Variants in PHKB observed in about 807,000 individuals in gnomAD.
PHKB encodes phosphorylase kinase regulatory subunit beta.
In PHKB, 122 loss-of-function variants were observed where a neutral mutation model predicts 152.1. That is an observed-to-expected ratio of 0.80 (90% CI 0.69 to 0.93). The LOEUF (loss-of-function observed/expected upper bound fraction) is 0.93. Ranked by LOEUF, PHKB falls within the 40% of genes least tolerant of loss-of-function variation. The pLI is 0.00. For synonymous variants in PHKB, 436 were observed against 464.9 expected (o/e 0.94, Z 0.80); for missense variants, 1,304 against 1,328.4 (o/e 0.98, Z 0.29).
At chr16:47,470,376 A>G (rs923579343) in intron 1 of PHKB, among the ~76,000 whole-genome samples, 3 of 152,214 alleles carry the variant, frequency 2.0e-5, no homozygotes, top group African/African-American at 4.8e-5. Flanking sequence ...CCCTCATGCT[A>G]TTGTTGTATG....
At chr16:47,643,437 A>C (rs528593478) in intron 16 of PHKB, among the ~76,000 whole-genome samples, 14 of 152,236 alleles carry the variant, frequency 9.2e-5, no homozygotes, top group Non-Finnish European at 1.6e-4. Context: ...AAGACTTACA[A>C]CAGTTCCTGG....
intron 13 of PHKB, among the ~76,000 whole-genome samples, chr16:47,604,712 T>A (rs939348991): frequency 1.3e-5 from 2 of 152,308 alleles, no homozygotes; most frequent in East Asian, 1.9e-4. Flanking sequence ...TTTCTTAATA[T>A]TTTCTTTTTA....
chr16:47,681,991 C>T (rs1973867368), intron 26 of PHKB, among the ~76,000 whole-genome samples: 1 of 151,824 alleles, frequency 6.6e-6, no homozygotes, highest in African/African-American at 2.4e-5. Context: ...CTCAGCTTGT[C>T]TGTAAAGTAT....
intron 22 of PHKB, among the ~76,000 whole-genome samples, chr16:47,661,438 TA>T (rs1372987825): frequency 6.6e-6 from 1 of 152,136 alleles, no homozygotes; most frequent in Non-Finnish European, 1.5e-5. Context: ...TTCTGTTCAT[TA>T]CTTATCTTGT....
At chr16:47,531,979 C>CTCT (rs1219779718) in intron 6 of PHKB, among the ~76,000 whole-genome samples, 3 of 152,078 alleles carry the variant, frequency 2.0e-5, no homozygotes. Flanking sequence ...AAAAGAAAAG[C>CTCT]CAAGACTTGA....
intron 16 of PHKB, among the ~76,000 whole-genome samples, chr16:47,642,075 G>A (rs1032226258): frequency 6.6e-6 from 1 of 151,484 alleles, no homozygotes; most frequent in Non-Finnish European, 1.5e-5. Flanking sequence ...CTTACATTTT[G>A]ATTTGGTTTT....
intron 6 of PHKB, among the ~76,000 whole-genome samples, chr16:47,537,549 A>G (rs1033439194): frequency 6.6e-6 from 1 of 152,238 alleles, no homozygotes; most frequent in Non-Finnish European, 1.5e-5. Context: ...GTCACCTAGC[A>G]TAAGTGACTC....
chr16:47,514,338 G>A (rs981136962), intron 5 of PHKB, among the ~76,000 whole-genome samples: 2 of 152,186 alleles, frequency 1.3e-5, no homozygotes, highest in African/African-American at 4.8e-5. Context: ...ATGTGGCTTA[G>A]TCCACATCTG....
intron 7 of PHKB, among the ~76,000 whole-genome samples, chr16:47,576,799 A>G (rs1216201080): frequency 6.6e-6 from 1 of 151,976 alleles, no homozygotes; most frequent in Non-Finnish European, 1.5e-5. Context: ...TGATTGTGTG[A>G]TATATCTTTT....
At chr16:47,497,912 TTAA>T (rs1970260422) in intron 2 of PHKB, among the ~76,000 whole-genome samples, 1 of 152,224 alleles carries the variant, frequency 6.6e-6, no homozygotes, top group Non-Finnish European at 1.5e-5. Context: ...GTTAGTATTA[TTAA>T]TATCAGGGCG....
intron 1 of PHKB, among the ~76,000 whole-genome samples, chr16:47,491,941 G>A (rs1970157454): frequency 6.6e-6 from 1 of 152,074 alleles, no homozygotes; most frequent in Admixed American, 6.6e-5. Context: ...CTTTAATAAG[G>A]TCCTTTTAAA....
chr16:47,467,201 TATG>T (rs1969684048), intron 1 of PHKB, among the ~76,000 whole-genome samples: 1 of 152,222 alleles, frequency 6.6e-6, no homozygotes, highest in South Asian at 2.1e-4. Context: ...ATACAACAAA[TATG>T]ATTTCTTATC....
At position 47,580,394 on chromosome 16, in the gene PHKB, G is replaced by T. The variant is rs758411456; in HGVS notation, c.774+36G>T. ...AGACCCCCAGAATCTTTGATTATTT[G>T]AATTGCACATTTAATTAATTTGGCT... On this transcript the variant is annotated intron_variant, in intron 8 of 30. Transcript: ENST00000323584. The T allele has an allele frequency of 2.1e-6, 3 of 1,400,422 alleles. No individual in the cohort carries two copies. The South Asian group carries it at 3.5e-5, about 16-fold the overall frequency. The allele number at this position is 1,400,422 out of a possible 1,614,324, so 86.7% of individuals were successfully genotyped here. A position where few individuals can be genotyped will look rare whatever the true frequency, so the allele number is the denominator to read the frequency against.
rs780377699 is a variant in PHKB, at chr16:47,641,591, A to C, written c.1515-8A>C. ...TAAAACGTCTCTTTTTATCCCTATG[A>C]TCTTTAGACTTCAAGTTTTTCTGAA... is the stretch of plus-strand genomic sequence containing the variant. On this transcript the variant is annotated splice_polypyrimidine_tract_variant and splice_region_variant and intron_variant, in intron 15 of 30. Transcript: ENST00000323584. The C allele has an allele frequency of 1.4e-6, 2 of 1,445,352 alleles. No individual in the cohort carries two copies. The highest frequency in any genetic ancestry group is 4.5e-5 in the East Asian group (2 of 44,114). 89.5% of individuals were successfully genotyped at this position (1,445,352 alleles called of 1,614,324 possible).
At chr16:47,593,619 T>C (rs1972069651) in intron 11 of PHKB, 62 bp downstream of exon 11, 5 of 990,792 alleles carry the variant, frequency 5.0e-6, no homozygotes, top group South Asian at 3.9e-5. Flanking sequence ...CTGTAGGATT[T>C]AAGTGGTTTA....
chr16:47,509,918 C>T (rs1036126456), intron 4 of PHKB, among the ~76,000 whole-genome samples: 1 of 152,180 alleles, frequency 6.6e-6, no homozygotes, highest in Non-Finnish European at 1.5e-5. Flanking sequence ...CCCCGGCTTC[C>T]GACACCAATT....
At chr16:47,485,115 T>C (rs1458630493) in intron 1 of PHKB, among the ~76,000 whole-genome samples, 1 of 152,232 alleles carries the variant, frequency 6.6e-6, no homozygotes, top group East Asian at 1.9e-4. Context: ...ATTTAGTCTT[T>C]CATAATCATA....
chr16:47,486,461 G>A (rs945474440), intron 1 of PHKB, among the ~76,000 whole-genome samples: 5 of 152,200 alleles, frequency 3.3e-5, no homozygotes, highest in African/African-American at 1.2e-4. Flanking sequence ...ATCTTGTATA[G>A]ATGAGTCATA....
At chr16:47,666,040 T>G in intron 25 of PHKB, 1 of 1,598,576 alleles carries the variant, frequency 6.3e-7, no homozygotes, top group Non-Finnish European at 8.6e-7. Context: ...CAGGTAAGTA[T>G]TTGCTTTTCA....
Sources: allele counts gnomAD v4.1 joint callset (sites outside exome capture counted in the v4.1 genomes callset), GRCh38; gene constraint gnomAD v4.1.1; transcripts MANE v1.5; gene names NCBI Gene and HGNC (gene_info 2026-07-23, HGNC 2026-07-21).